Variants in FCRL2 observed in about 807,000 individuals in gnomAD.
FCRL2 encodes Fc receptor like 2, also known as Fc receptor-like protein 2.
FCRL2 carries 48 observed loss-of-function variants against 59.8 expected under a neutral mutation model. That is an observed-to-expected ratio of 0.80 (90% CI 0.64 to 1.02). The LOEUF is 1.02. FCRL2 is among the 50% of genes least tolerant of loss of function. FCRL2 has a pLI of 0.00. For synonymous variants in FCRL2, 251 were observed against 229.5 expected (o/e 1.09, Z -0.85); for missense variants, 658 against 597.3 (o/e 1.10, Z -1.06).
chr1:157,763,208 T>C (rs918504179), intron 7 of FCRL2, among the ~76,000 whole-genome samples: 3 of 152,244 alleles, frequency 2.0e-5, no homozygotes, highest in African/African-American at 7.2e-5. Flanking sequence ...ACCTTGAATG[T>C]AAATTGATTA....
chr1:157,767,192 A>G (rs767237574), intron 6 of FCRL2, 39 bp downstream of exon 6: 20 of 1,579,974 alleles, frequency 1.3e-5, no homozygotes, highest in Middle Eastern at 1.7e-4. Flanking sequence ...AGACACAGCC[A>G]TTGACATCAA....
chr1:157,756,494 G>A (rs1648598627), intron 7 of FCRL2, among the ~76,000 whole-genome samples: 1 of 152,042 alleles, frequency 6.6e-6, no homozygotes, highest in African/African-American at 2.4e-5. Flanking sequence ...ACTAGCCTTG[G>A]CAACATATAG....
At chr1:157,759,670 A>G (rs898988148) in intron 7 of FCRL2, among the ~76,000 whole-genome samples, 9 of 152,226 alleles carry the variant, frequency 5.9e-5, no homozygotes, top group African/African-American at 2.2e-4. Flanking sequence ...AAAGACATAT[A>G]TGCAGCCAAA....
intron 7 of FCRL2, among the ~76,000 whole-genome samples, chr1:157,760,104 A>C (rs1648905889): frequency 4.6e-5 from 7 of 152,250 alleles, no homozygotes. Flanking sequence ...ATGGAATACT[A>C]TGCAGCTATA....
Position 157,775,808 on chromosome 1 carries a change from C to T in FCRL2, c.32-13G>A. ...TCAGTGACTGCATCTGTGAGGAGAT[C>T]AAAAGCCAGAGATTAGCACACAGCA... On this transcript the variant is annotated splice_polypyrimidine_tract_variant and intron_variant, in intron 1 of 11. Coordinates refer to ENST00000361516, the MANE Select transcript of FCRL2 (RefSeq NM_030764.4). The T allele has an allele frequency of 6.2e-7, 1 of 1,613,804 alleles. No homozygotes were observed. The highest frequency in any genetic ancestry group is 8.5e-7 in the Non-Finnish European group (1 of 1,179,870).
In FCRL2 at chr1:157,767,228, C is replaced by T. The variant is rs756218624; in HGVS notation, c.1162+3G>A. On this transcript the variant is annotated splice_donor_region_variant and intron_variant, in intron 6 of 11. Coordinates refer to ENST00000361516, the MANE Select transcript of FCRL2 (RefSeq NM_030764.4). ...ACTCTGTATCCAGGTAACACCCACC[C>T]ACCTGAGATGGAGACTGGCACTGCC... is the stretch of plus-strand genomic sequence containing the variant. The T allele has an allele frequency of 6.2e-7, 1 of 1,609,444 alleles. No individual in the cohort carries two copies. Among genetic ancestry groups the T allele is most frequent in the Non-Finnish European group, 8.5e-7 (1 of 1,177,764 alleles).
At position 157,768,264 on chromosome 1, in the gene FCRL2, G is replaced by A. The variant is rs1336429303; in HGVS notation, c.883+150C>T. On this transcript the variant is annotated intron_variant, in intron 5 of 11. Transcript: ENST00000361516. Reference sequence around the variant, plus strand: ...TTCCACAAAAAGAAACAGGTCAGCAGTCTAACCTGCAAGCGTAACCCATTT... The same window carrying A: ...TTCCACAAAAAGAAACAGGTCAGCAATCTAACCTGCAAGCGTAACCCATTT... 6 of 693,412 alleles carry A rather than the reference G, an allele frequency of 8.7e-6. No homozygotes were observed. The East Asian group carries it at 1.6e-4, about 18-fold the overall frequency. The allele number at this position is 693,412 out of a possible 1,614,324, so 43.0% of individuals were successfully genotyped here.
chr1:157,760,208 A>C (rs987059062), intron 7 of FCRL2, among the ~76,000 whole-genome samples: 1 of 152,202 alleles, frequency 6.6e-6, no homozygotes, highest in East Asian at 1.9e-4. Flanking sequence ...CAAATATCAC[A>C]TGTTCTCACT....
At chr1:157,748,715 C>T in intron 9 of FCRL2, 97 bp from the exon 10 acceptor site, 2 of 1,227,370 alleles carry the variant, frequency 1.6e-6, no homozygotes, top group South Asian at 2.5e-5. Flanking sequence ...TATATCCTTC[C>T]TCTCAACCCC....
At chr1:157,767,570 C>T (rs747814546) in intron 5 of FCRL2, 61 bp from the exon 6 acceptor site, 2 of 1,614,094 alleles carry the variant, frequency 1.2e-6, no homozygotes, top group African/African-American at 1.3e-5. Flanking sequence ...TTCACAAACT[C>T]CCAACCTGCA....
chr1:157,752,907 G>A (rs558626244), intron 7 of FCRL2, among the ~76,000 whole-genome samples: 1 of 152,258 alleles, frequency 6.6e-6, no homozygotes, highest in South Asian at 2.1e-4. Context: ...TATATTGTTT[G>A]TAGGGAAAAT....
chr1:157,759,139 G>GT lies in FCRL2; in HGVS notation c.1279+7715dup, dbSNP rs1215235971. On this transcript the variant is annotated intron_variant, in intron 7 of 11. Transcript: ENST00000361516. Reference sequence around the variant, plus strand: ...GAGTTAGTTCTCATAAGATCTGATGGTTTTTTTCCCACTTTGCTTGGCACT... The same window carrying GT: ...GAGTTAGTTCTCATAAGATCTGATGGTTTTTTTTCCCACTTTGCTTGGCACT... Among the ~76,000 whole-genome samples the GT allele has an allele frequency of 7.9e-5, 12 of 152,186 alleles. No homozygotes were observed. The South Asian group carries it at 8.3e-4, about 11-fold the overall frequency.
intron 7 of FCRL2, among the ~76,000 whole-genome samples, chr1:157,760,091 A>T (rs1221458536): frequency 6.6e-6 from 1 of 152,238 alleles, no homozygotes; most frequent in Middle Eastern, 3.2e-3. Context: ...TTACATATAC[A>T]CTATGGAATA....
chr1:157,776,394 C>T (rs557884455), intron 1 of FCRL2, among the ~76,000 whole-genome samples: 4 of 152,246 alleles, frequency 2.6e-5, no homozygotes, highest in South Asian at 4.2e-4. Flanking sequence ...CTCAGCTTCC[C>T]GAGTAGCTGG....
At chr1:157,766,788 A>G in intron 7 of FCRL2, 67 bp downstream of exon 7, 2 of 1,574,560 alleles carry the variant, frequency 1.3e-6, no homozygotes, top group Non-Finnish European at 1.7e-6. Flanking sequence ...TTTTTTTGTA[A>G]TTTCAATCTA....
intron 7 of FCRL2, among the ~76,000 whole-genome samples, chr1:157,755,803 A>G (rs1648545843): frequency 6.6e-6 from 1 of 152,252 alleles, no homozygotes. Flanking sequence ...AAGAACATGT[A>G]TGTATACAAT....
intron 7 of FCRL2, among the ~76,000 whole-genome samples, chr1:157,752,281 T>G (rs1346963285): frequency 1.3e-5 from 2 of 152,202 alleles, no homozygotes; most frequent in Non-Finnish European, 2.9e-5. Flanking sequence ...GTTCTCATGA[T>G]AGTGAATAAG....
At chr1:157,747,082 C>G (rs1166983977) in intron 10 of FCRL2, among the ~76,000 whole-genome samples, 183 bp from the exon 11 acceptor site, 2 of 152,210 alleles carry the variant, frequency 1.3e-5, no homozygotes, top group African/African-American at 4.8e-5. Context: ...TATCCATCTT[C>G]CAAGCCCTCC....
chr1:157,766,643 G>A, intron 7 of FCRL2: 1 of 626,382 alleles, frequency 1.6e-6, no homozygotes, highest in Non-Finnish European at 2.6e-6. Context: ...TTAATCTCCA[G>A]TGACTATGCA....
Sources: gnomAD v4.1 joint callset for allele counts (sites outside exome capture counted in the v4.1 genomes callset) on GRCh38, gnomAD v4.1.1 for gene constraint, MANE v1.5 for transcripts, NCBI Gene and HGNC (gene_info 2026-07-23, HGNC 2026-07-21) for gene names.